The following ACSL5 variants were observed in gnomAD, a reference collection of about 807,000 sequenced individuals.
The protein encoded by ACSL5 is long-chain-fatty-acid--CoA ligase 5.
A neutral mutation model predicts 84.9 loss-of-function variants in ACSL5; 50 were observed. That is an observed-to-expected ratio of 0.59 (90% CI 0.47 to 0.75). ACSL5 has a LOEUF of 0.75. ACSL5 is among the 30% of genes least tolerant of loss of function. The pLI is 0.00. For synonymous variants in ACSL5, 280 were observed against 300.7 expected (o/e 0.93, Z 0.71); for missense variants, 775 against 830.4 (o/e 0.93, Z 0.82).
chr10:112,374,797 C>T (rs571962601), intron 1 of ACSL5, among the ~76,000 whole-genome samples: 1 of 152,298 alleles, frequency 6.6e-6, no homozygotes, highest in African/African-American at 2.4e-5. Flanking sequence ...TAGTGCGTCT[C>T]CAGGCTGTTA....
intron 1 of ACSL5, among the ~76,000 whole-genome samples, chr10:112,385,598 C>T (rs1849434070): frequency 6.6e-6 from 1 of 152,156 alleles, no homozygotes; most frequent in Non-Finnish European, 1.5e-5. Flanking sequence ...AATGTCTTTC[C>T]CTAATTGTAA....
chr10:112,427,426 C>CT lies in ACSL5; in HGVS notation c.*70dup, dbSNP rs1444535829. On this transcript the variant is annotated 3_prime_UTR_variant, in exon 21 of 21. Transcript: ENST00000354655. ...GTGAGAAAATGGATTAAAAACTATT[C>CT]TTACATTTGTTTTGCCTTTCCTCCT... 1 of 1,434,446 alleles carries CT rather than the reference C, an allele frequency of 7.0e-7. No individual in the cohort carries two copies. The highest frequency in any genetic ancestry group is 9.3e-7 in the Non-Finnish European group (1 of 1,074,676). 88.9% of individuals were successfully genotyped at this position (1,434,446 alleles called of 1,614,324 possible).
Position 112,427,541 on chromosome 10 carries a change from A to G in ACSL5, c.*183A>G, listed in dbSNP as rs1844783189. 2.1e-6 allele frequency: 1 copy of G among 481,318 alleles called. No homozygotes were observed. Among genetic ancestry groups the G allele is most frequent in the Non-Finnish European group, 3.4e-6 (1 of 290,000 alleles). The allele number at this position is 481,318 out of a possible 1,614,324, so 29.8% of individuals were successfully genotyped here. On this transcript the variant is annotated 3_prime_UTR_variant, in exon 21 of 21. Transcript: ENST00000354655. Reference sequence around the variant, plus strand: ...GTAAACTTAGTTCCCAAATAAATCAATCCTGTCTTTCCCATCTTCGATGTT... The same window carrying G: ...GTAAACTTAGTTCCCAAATAAATCAGTCCTGTCTTTCCCATCTTCGATGTT...
At chr10:112,383,199 C>T (rs1287504134) in intron 1 of ACSL5, among the ~76,000 whole-genome samples, 1 of 152,244 alleles carries the variant, frequency 6.6e-6, no homozygotes, top group East Asian at 1.9e-4. Flanking sequence ...GTGGGAGGAT[C>T]ACTTAAGCCT....
intron 20 of ACSL5, 48 bp downstream of exon 20, chr10:112,426,907 G>A (rs1291819027): frequency 6.8e-7 from 1 of 1,464,676 alleles, no homozygotes; most frequent in African/African-American, 1.4e-5. Flanking sequence ...AGAAAGTTTT[G>A]TTTAAAGTTT....
chr10:112,388,621 A>G (rs187936786), intron 1 of ACSL5, among the ~76,000 whole-genome samples: 20 of 152,330 alleles, frequency 1.3e-4, no homozygotes, highest in Admixed American at 9.8e-4. Context: ...GGGGCATCAG[A>G]GACACAGCAG....
chr10:112,382,572 C>T (rs1849370997), intron 1 of ACSL5, among the ~76,000 whole-genome samples: 1 of 152,196 alleles, frequency 6.6e-6, no homozygotes, highest in Admixed American at 6.5e-5. Flanking sequence ...GCTTATTCTG[C>T]TCCACCTCTT....
At chr10:112,390,275 A>G (rs930324636) in intron 1 of ACSL5, among the ~76,000 whole-genome samples, 2 of 152,162 alleles carry the variant, frequency 1.3e-5, no homozygotes, top group African/African-American at 4.8e-5. Flanking sequence ...GAAGCACATA[A>G]AAAAATGCTC....
At chr10:112,389,857 A>G (rs1036070780) in intron 1 of ACSL5, among the ~76,000 whole-genome samples, 3 of 152,166 alleles carry the variant, frequency 2.0e-5, no homozygotes, top group African/African-American at 7.2e-5. Flanking sequence ...ACAGTGAGAG[A>G]GTTACATGAT....
intron 14 of ACSL5, chr10:112,420,135 T>A: frequency 6.6e-6 from 1 of 152,206 alleles, no homozygotes; most frequent in East Asian, 1.9e-4. Flanking sequence ...TTTAATACTG[T>A]CCTTTCCTTA....
chr10:112,418,765 G>A (rs1844382501), intron 14 of ACSL5: 1 of 153,072 alleles, frequency 6.5e-6, no homozygotes, highest in Non-Finnish European at 1.5e-5. Context: ...AAATCATAAG[G>A]AAGAGAAAAC....
chr10:112,407,559 G>A (rs370856187), intron 5 of ACSL5, among the ~76,000 whole-genome samples: 10 of 152,112 alleles, frequency 6.6e-5, no homozygotes, highest in East Asian at 3.9e-4. Flanking sequence ...GCTAAACCAC[G>A]TCAAACAGTA....
intron 12 of ACSL5, 31 bp from the exon 13 acceptor site, chr10:112,416,857 T>A (rs1172531285): frequency 6.2e-7 from 1 of 1,610,122 alleles, no homozygotes. Context: ...CTCCAATAGG[T>A]TTCCAACTAA....
chr10:112,376,327 A>C, intron 1 of ACSL5: 1 of 1,614,100 alleles, frequency 6.2e-7, no homozygotes. Flanking sequence ...CTCTGAAGCC[A>C]CCCTGTCTCT....
Position 112,417,579 on chromosome 10 carries a change from CA to C in ACSL5, c.1219-265del, listed in dbSNP as rs1027060484. Among the ~76,000 whole-genome samples the C allele has an allele frequency of 5.9e-5, 9 of 151,914 alleles. No homozygotes were observed. The East Asian group carries it at 1.7e-3, about 29-fold the overall frequency. On this transcript the variant is annotated intron_variant, in intron 13 of 20. Transcript: ENST00000354655. ...TTTGGTGGTCTGTTGAGATTATAAGCAATTTGAGGGGCTGAAGAATACAAAT... is the reference window on the plus strand; with the variant it reads ...TTTGGTGGTCTGTTGAGATTATAAGCATTTGAGGGGCTGAAGAATACAAAT...
At chr10:112,384,667 G>A (rs914471564) in intron 1 of ACSL5, among the ~76,000 whole-genome samples, 2 of 151,954 alleles carry the variant, frequency 1.3e-5, no homozygotes, top group African/African-American at 2.4e-5. Context: ...ACCGCCAAGC[G>A]AGGCTAATTT....
chr10:112,395,310 T>A (rs1424056976), intron 2 of ACSL5, among the ~76,000 whole-genome samples: 1 of 152,216 alleles, frequency 6.6e-6, no homozygotes, highest in African/African-American at 2.4e-5. Flanking sequence ...ATGTCAGTAA[T>A]CTAGATTGGA....
rs1485026984 is a variant in ACSL5, at chr10:112,413,410, G to A, written c.1083+103G>A. The A allele has an allele frequency of 8.0e-6, 11 of 1,374,906 alleles. No individual in the cohort carries two copies. The Admixed American group carries it at 2.0e-4, about 25-fold the overall frequency. The allele number at this position is 1,374,906 out of a possible 1,614,324, so 85.2% of individuals were successfully genotyped here. On this transcript the variant is annotated intron_variant, in intron 12 of 20. Transcript: ENST00000354655. Reference sequence around the variant, plus strand: ...CCACCTCTACCTCCACCCTCTACAAGTATCTACGTAAAGCCGTGTGTAAAT... The same window carrying A: ...CCACCTCTACCTCCACCCTCTACAAATATCTACGTAAAGCCGTGTGTAAAT...
At chr10:112,380,802 T>G (rs1437052979) in intron 1 of ACSL5, among the ~76,000 whole-genome samples, 1 of 152,162 alleles carries the variant, frequency 6.6e-6, no homozygotes, top group East Asian at 1.9e-4. Flanking sequence ...CACACTCTTG[T>G]CACTCTGCAC....
Sources: gnomAD v4.1 joint callset for allele counts (sites outside exome capture counted in the v4.1 genomes callset) on GRCh38, gnomAD v4.1.1 for gene constraint, MANE v1.5 for transcripts, NCBI Gene and HGNC (gene_info 2026-07-23, HGNC 2026-07-21) for gene names.